The following SLC25A12 variants were observed in gnomAD, a reference collection of about 807,000 sequenced individuals.
SLC25A12 encodes solute carrier family 25 member 12.
SLC25A12 carries 32 observed loss-of-function variants against 83.3 expected under a neutral mutation model. That is an observed-to-expected ratio of 0.38 (90% CI 0.29 to 0.52). The LOEUF is 0.52. Ranked by LOEUF, SLC25A12 falls within the 20% of genes least tolerant of loss-of-function variation. The pLI is 0.84. For missense variants in SLC25A12, 611 were observed against 835.6 expected (o/e 0.73, Z 3.31); for synonymous variants, 267 against 291.1 (o/e 0.92, Z 0.84).
intron 2 of SLC25A12, among the ~76,000 whole-genome samples, chr2:171,885,450 C>T (rs1685797949): frequency 6.6e-6 from 1 of 151,762 alleles, no homozygotes; most frequent in Non-Finnish European, 1.5e-5. Context: ...GAGGCTGAGG[C>T]AGGTGGATCA....
At position 171,783,743 on chromosome 2, in the gene SLC25A12, G is replaced by A. The variant is rs1690437249; in HGVS notation, c.*1531C>T. On this transcript the variant is annotated 3_prime_UTR_variant, in exon 18 of 18. Transcript: ENST00000422440. ...AACAAGTGGTAGTAGCAAAACAACT[G>A]TATTATTATTTGTTCCACTCCCATG... 6.6e-6 allele frequency among the ~76,000 whole-genome samples: 1 copy of A among 152,124 alleles called. No homozygotes were observed. The highest frequency in any genetic ancestry group is 2.4e-5 in the African/African-American group (1 of 41,418).
chr2:171,803,986 G>A (rs949002535), intron 13 of SLC25A12, among the ~76,000 whole-genome samples: 3 of 152,042 alleles, frequency 2.0e-5, no homozygotes, highest in Non-Finnish European at 2.9e-5. Context: ...CCACTCATAC[G>A]TATATACCCA....
intron 9 of SLC25A12, among the ~76,000 whole-genome samples, chr2:171,818,645 GCCTGT>G (rs1240871486): frequency 6.6e-6 from 1 of 151,794 alleles, no homozygotes; most frequent in Admixed American, 6.6e-5. Context: ...GGTAGTACAT[GCCTGT>G]GGTCCCAGCT....
intron 2 of SLC25A12, among the ~76,000 whole-genome samples, chr2:171,892,325 A>C (rs1345679485): frequency 6.6e-6 from 1 of 152,036 alleles, no homozygotes; most frequent in African/African-American, 2.4e-5. Context: ...TCCCGGGTTA[A>C]CGCCATTCTC....
At chr2:171,833,842 A>T in intron 8 of SLC25A12, 121 bp downstream of exon 8, 1 of 667,148 alleles carries the variant, frequency 1.5e-6, no homozygotes, top group Non-Finnish European at 2.7e-6. Flanking sequence ...TTATATTCTG[A>T]ATATAAACTA....
At chr2:171,812,411 G>A (rs1460494448) in intron 11 of SLC25A12, among the ~76,000 whole-genome samples, 3 of 152,124 alleles carry the variant, frequency 2.0e-5, no homozygotes, top group African/African-American at 4.8e-5. Context: ...AGGGATTAAT[G>A]AGCTTGTATG....
chr2:171,868,309 T>TA (rs1422292938), intron 3 of SLC25A12, among the ~76,000 whole-genome samples: 4 of 127,138 alleles, frequency 3.1e-5, no homozygotes, highest in Admixed American at 1.8e-4. Context: ...GTGGGTTTTT[T>TA]AATTTTTTTT....
At position 171,815,039 on chromosome 2, in the gene SLC25A12, C is replaced by T. The variant is rs1427277048; in HGVS notation, c.1012+82G>A. 3 of 1,119,594 alleles carry T rather than the reference C, an allele frequency of 2.7e-6. No individual in the cohort carries two copies. The African/African-American group carries it at 4.6e-5, about 17-fold the overall frequency. The allele number at this position is 1,119,594 out of a possible 1,614,324, so 69.4% of individuals were successfully genotyped here. A position where few individuals can be genotyped will look rare whatever the true frequency, so the allele number is the denominator to read the frequency against. On this transcript the variant is annotated intron_variant, in intron 10 of 17. Transcript: ENST00000422440. ...CGTGACCCATGGGAACAATGAACTGCACCTTTGCTGATCTGCCTCAGTCTG... is the reference window on the plus strand; with the variant it reads ...CGTGACCCATGGGAACAATGAACTGTACCTTTGCTGATCTGCCTCAGTCTG...
chr2:171,793,711 C>A lies in SLC25A12; in HGVS notation c.1362G>T (p.Leu454=). 1 of 1,614,172 alleles carries A rather than the reference C, an allele frequency of 6.2e-7. No individual in the cohort carries two copies. The highest frequency in any genetic ancestry group is 1.3e-5 in the African/African-American group (1 of 75,056). Residue 454 remains leucine, a synonymous_variant, in exon 14 of 18, where the codon CTG becomes CTT. Coordinates refer to ENST00000422440, the MANE Select transcript of SLC25A12 (RefSeq NM_003705.5). ...TNPLEIVKIR[L]QVAGEITTGP... ...CCGTGGTGATCTCTCCAGCTACTTG[C>A]AGACGAATCTTCACTATCTCCAATG...
At chr2:171,817,293 C>T (rs539027914) in intron 9 of SLC25A12, among the ~76,000 whole-genome samples, 22 of 152,172 alleles carry the variant, frequency 1.4e-4, no homozygotes, top group African/African-American at 4.1e-4. Context: ...CATTGGCATA[C>T]GTTTTTAACT....
intron 2 of SLC25A12, among the ~76,000 whole-genome samples, chr2:171,888,648 G>C (rs917962794): frequency 6.6e-6 from 1 of 151,716 alleles, no homozygotes; most frequent in Non-Finnish European, 1.5e-5. Flanking sequence ...TCACCATGTT[G>C]CCCAGGCTGG....
intron 13 of SLC25A12, 96 bp downstream of exon 13, chr2:171,809,510 A>G (rs962552819): frequency 5.4e-6 from 5 of 926,422 alleles, no homozygotes; most frequent in Non-Finnish European, 9.0e-6. Flanking sequence ...GAATCCCTTG[A>G]GTTCAAGAGA....
chr2:171,830,645 C>G (rs985949696), intron 8 of SLC25A12, among the ~76,000 whole-genome samples: 1 of 152,112 alleles, frequency 6.6e-6, no homozygotes, highest in African/African-American at 2.4e-5. Flanking sequence ...TCCAGAGTAA[C>G]TGGGATTACA....
chr2:171,807,249 T>C (rs73976515), intron 13 of SLC25A12, among the ~76,000 whole-genome samples: 3,127 of 152,266 alleles, frequency 0.021, 114 homozygotes, highest in African/African-American at 0.072. Context: ...CTGACTATTT[T>C]TCATGCTGTC....
rs550289634 is a variant in SLC25A12, at chr2:171,869,916, G to GAT, written c.67-1094_67-1093insAT. On this transcript the variant is annotated intron_variant, in intron 2 of 17. Coordinates refer to ENST00000422440, the MANE Select transcript of SLC25A12 (RefSeq NM_003705.5). Reference sequence around the variant, plus strand: ...ACAAGTTTTCAGAGAGAAAAACCAGGTCACATATAAAGAATCATGAATTAA... The same window carrying GAT: ...ACAAGTTTTCAGAGAGAAAAACCAGGATTCACATATAAAGAATCATGAATTAA... Among the ~76,000 whole-genome samples, 428 of 152,300 alleles carry GAT rather than the reference G, an allele frequency of 2.8e-3. 5 individuals carry two copies. The highest frequency in any genetic ancestry group is 0.01 in the African/African-American group (419 of 41,548).
chr2:171,828,417 A>G (rs763447008), intron 8 of SLC25A12, among the ~76,000 whole-genome samples: 4 of 152,194 alleles, frequency 2.6e-5, no homozygotes, highest in African/African-American at 9.7e-5. Context: ...ATGGCAAAGG[A>G]TATCTCTTAG....
intron 3 of SLC25A12, among the ~76,000 whole-genome samples, chr2:171,862,512 T>A (rs1685184170): frequency 6.6e-6 from 1 of 152,180 alleles, no homozygotes; most frequent in Admixed American, 6.5e-5. Flanking sequence ...ACACTCCTAC[T>A]TATTTTACTA....
intron 4 of SLC25A12, chr2:171,845,771 A>G (rs1309643102): frequency 4.4e-6 from 2 of 455,254 alleles, no homozygotes; most frequent in Non-Finnish European, 4.4e-6. Flanking sequence ...TGCAGCAATC[A>G]GCAAAGTTGG....
intron 2 of SLC25A12, among the ~76,000 whole-genome samples, chr2:171,876,833 C>A (rs1685585371): frequency 6.6e-6 from 1 of 152,146 alleles, no homozygotes; most frequent in African/African-American, 2.4e-5. Flanking sequence ...TAGAGTTTAT[C>A]ATTTGCCATT....
Sources: allele counts gnomAD v4.1 joint callset (sites outside exome capture counted in the v4.1 genomes callset), GRCh38; gene constraint gnomAD v4.1.1; transcripts MANE v1.5; gene names NCBI Gene and HGNC (gene_info 2026-07-23, HGNC 2026-07-21).